The following ZFYVE27 variants were observed in gnomAD, a reference collection of about 807,000 sequenced individuals.
ZFYVE27 encodes zinc finger FYVE-type containing 27.
A neutral mutation model predicts 52.8 loss-of-function variants in ZFYVE27; 36 were observed. The observed-to-expected ratio is 0.68, with a 90% confidence interval of 0.52 to 0.90. The LOEUF is 0.90. Ranked by LOEUF, ZFYVE27 falls within the 40% of genes least tolerant of loss-of-function variation. The probability of loss-of-function intolerance (pLI) is 0.00; values close to 1 mark genes in which losing one functional copy is unlikely to be tolerated. For missense variants in ZFYVE27, 450 were observed against 527.2 expected, an observed-to-expected ratio of 0.85 and a Z score of 1.43; for synonymous variants, 223 against 215.6, an observed-to-expected ratio of 1.03 and a Z score of -0.30.
At chr10:97,756,032 G>A (rs1369798088) in intron 10 of ZFYVE27, among the ~76,000 whole-genome samples, 1 of 152,162 alleles carries the variant, frequency 6.6e-6, no homozygotes, top group East Asian at 1.9e-4. Context: ...CAGCCCACTT[G>A]GCTGCCCTGG....
At chr10:97,753,217 A>T in intron 10 of ZFYVE27, 35 bp downstream of exon 10, 2 of 1,596,124 alleles carry the variant, frequency 1.3e-6, no homozygotes, top group African/African-American at 1.3e-5. Flanking sequence ...CTGGTGGGGG[A>T]GTGGGGGTGG....
chr10:97,742,961 C>G (rs1199570122), intron 2 of ZFYVE27, 133 bp from the exon 3 acceptor site: 2 of 953,122 alleles, frequency 2.1e-6, no homozygotes, highest in African/African-American at 1.6e-5. Flanking sequence ...GAGAGGCCCC[C>G]TTTTCGTTTC....
chr10:97,746,631 T>C, intron 4 of ZFYVE27, among the ~76,000 whole-genome samples: 1 of 152,190 alleles, frequency 6.6e-6, no homozygotes, highest in African/African-American at 2.4e-5. Flanking sequence ...AATCGGATTT[T>C]ACCAGTTGTA....
At chr10:97,745,048 C>T in intron 4 of ZFYVE27, 133 bp downstream of exon 4, 2 of 1,077,410 alleles carry the variant, frequency 1.9e-6, no homozygotes, top group South Asian at 2.8e-5. Context: ...TTTAACAGTT[C>T]CGGGAGGTAG....
In ZFYVE27 at chr10:97,745,559, A is replaced by G. The variant is rs537996885; in HGVS notation, c.455+644A>G. On this transcript the variant is annotated intron_variant, in intron 4 of 12. Transcript: ENST00000684270. ...AAGCCACTGCCTGGGTTCAAATCCC[A>G]GCTCTTCCATTTACTTGCTGTGTAA... Among the ~76,000 whole-genome samples the G allele has an allele frequency of 2.6e-5, 4 of 152,320 alleles. No homozygotes were observed. The South Asian group carries it at 8.3e-4, about 32-fold the overall frequency.
intron 5 of ZFYVE27, 85 bp downstream of exon 5, chr10:97,748,449 C>A: frequency 7.2e-7 from 1 of 1,379,798 alleles, no homozygotes; most frequent in East Asian, 2.5e-5. Flanking sequence ...GAGAGGACCT[C>A]TGCCCCTCTT....
At chr10:97,738,880 A>G in intron 2 of ZFYVE27, 1 of 604,460 alleles carries the variant, frequency 1.7e-6, no homozygotes, top group South Asian at 1.9e-5. Flanking sequence ...ACTGGGAATG[A>G]TCCTGCCTTT....
At chr10:97,753,747 G>A (rs1280494764) in intron 10 of ZFYVE27, among the ~76,000 whole-genome samples, 1 of 152,182 alleles carries the variant, frequency 6.6e-6, no homozygotes, top group Non-Finnish European at 1.5e-5. Context: ...CGGTTAATGT[G>A]GGAGGCCCTG....
At chr10:97,743,459 A>G (rs1429632931) in intron 3 of ZFYVE27, among the ~76,000 whole-genome samples, 3 of 152,230 alleles carry the variant, frequency 2.0e-5, no homozygotes, top group Non-Finnish European at 4.4e-5. Context: ...GCGGCAGTCT[A>G]GGCATAATAC....
Position 97,760,672 on chromosome 10 carries a change from T to G in ZFYVE27, c.*1372T>G, listed in dbSNP as rs1185699757. On this transcript the variant is annotated 3_prime_UTR_variant, in exon 13 of 13. Transcript: ENST00000684270. ...CAAGGGACCCATCCTAGGCCCGCTT[T>G]CTTGCCGAGCCAAGCAGCTTAGCTG... 2 of 152,334 alleles carry G rather than the reference T, an allele frequency of 1.3e-5. No individual in the cohort carries two copies. Among genetic ancestry groups the G allele is most frequent in the East Asian group, 3.9e-4 (2 of 5,148 alleles). 9.4% of individuals were successfully genotyped at this position (152,334 alleles called of 1,614,324 possible). A position where few individuals can be genotyped will look rare whatever the true frequency, so the allele number is the denominator to read the frequency against.
intron 10 of ZFYVE27, 91 bp downstream of exon 10, chr10:97,753,273 C>G (rs903450948): frequency 5.2e-5 from 79 of 1,513,066 alleles, no homozygotes; most frequent in Non-Finnish European, 6.6e-5. Context: ...GGGGCAGAGT[C>G]TCAGAACTGT....
chr10:97,746,526 G>A (rs964236203), intron 4 of ZFYVE27, among the ~76,000 whole-genome samples: 6 of 152,124 alleles, frequency 3.9e-5, no homozygotes, highest in Non-Finnish European at 7.3e-5. Flanking sequence ...ATACTTCAGC[G>A]TGTATTTCCT....
At chr10:97,743,315 G>A in intron 3 of ZFYVE27, 151 bp downstream of exon 3, 1 of 957,064 alleles carries the variant, frequency 1.0e-6, no homozygotes, top group Non-Finnish European at 1.7e-6. Flanking sequence ...ACAGCCTCCA[G>A]AGGGACGATC....
chr10:97,749,669 G>A, intron 6 of ZFYVE27, 83 bp downstream of exon 6: 1 of 1,122,258 alleles, frequency 8.9e-7, no homozygotes, highest in Non-Finnish European at 1.4e-6. Flanking sequence ...TGTCTCTACA[G>A]CTAATCATCA....
intron 3 of ZFYVE27, among the ~76,000 whole-genome samples, chr10:97,743,897 G>A (rs182280152): frequency 6.6e-6 from 1 of 152,360 alleles, no homozygotes; most frequent in Admixed American, 6.5e-5. Context: ...AAACCCCTCA[G>A]GGTGAGAATA....
chr10:97,746,601 A>G (rs2045499988), intron 4 of ZFYVE27, among the ~76,000 whole-genome samples: 1 of 152,220 alleles, frequency 6.6e-6, no homozygotes, highest in Admixed American at 6.5e-5. Context: ...CTTAACGTTG[A>G]TAACTAATGT....
Position 97,759,494 on chromosome 10 carries a change from G to A in ZFYVE27, c.*194G>A, listed in dbSNP as rs2049202037. 1 of 670,134 alleles carries A rather than the reference G, an allele frequency of 1.5e-6. No homozygotes were observed. Among genetic ancestry groups the A allele is most frequent in the African/African-American group, 1.8e-5 (1 of 56,576 alleles). The allele number at this position is 670,134 out of a possible 1,614,324, so 41.5% of individuals were successfully genotyped here. A position where few individuals can be genotyped will look rare whatever the true frequency, so the allele number is the denominator to read the frequency against. ...TCCATCCATGAGAGTGGCTGGCAAT[G>A]GCTGCTCTCAATCCCTTGAGGGAGA... On this transcript the variant is annotated 3_prime_UTR_variant, in exon 13 of 13. Transcript: ENST00000684270.
At chr10:97,757,163 G>T (rs2048566687) in intron 10 of ZFYVE27, 102 bp from the exon 11 acceptor site, 11 of 1,540,384 alleles carry the variant, frequency 7.1e-6, no homozygotes, top group Non-Finnish European at 9.0e-6. Flanking sequence ...AGCCAAGGAG[G>T]CTGGGCTGGT....
intron 5 of ZFYVE27, among the ~76,000 whole-genome samples, chr10:97,748,967 C>T (rs747627169): frequency 1.4e-4 from 21 of 152,134 alleles, no homozygotes; most frequent in Admixed American, 2.6e-4. Context: ...TTTTGAGGCT[C>T]TTTAATATGA....
Sources: gnomAD v4.1 joint callset for allele counts (sites outside exome capture counted in the v4.1 genomes callset) on GRCh38, gnomAD v4.1.1 for gene constraint, MANE v1.5 for transcripts, NCBI Gene and HGNC (gene_info 2026-07-23, HGNC 2026-07-21) for gene names.